The following SAMD12 variants were observed in gnomAD, a reference collection of about 807,000 sequenced individuals.
SAMD12 encodes sterile alpha motif domain-containing protein 12.
A neutral mutation model predicts 15.0 loss-of-function variants in SAMD12; 9 were observed. The ratio of observed to expected loss-of-function variants is 0.60; its 90% confidence interval spans 0.36 to 1.05. The LOEUF (loss-of-function observed/expected upper bound fraction) is 1.05, where lower values mean the gene tolerates loss of function less well. Among genes scored for constraint, SAMD12 ranks in the 50% least tolerant of loss-of-function variants. The pLI is 0.01. For synonymous variants in SAMD12, 86 were observed against 90.1 expected (o/e 0.96, Z 0.25); for missense variants, 230 against 234.2 (o/e 0.98, Z 0.12).
At chr8:118,162,633 T>G in the SAMD12 span, among the ~76,000 whole-genome samples, 1 of 152,110 alleles carries the variant, frequency 6.6e-6, no homozygotes, top group Non-Finnish European at 1.5e-5. Context: ...CTGCAGATTT[T>G]AAAAAGGGTG....
chr8:118,158,216 C>T, the SAMD12 span, among the ~76,000 whole-genome samples: 1 of 152,206 alleles, frequency 6.6e-6, no homozygotes, highest in Non-Finnish European at 1.5e-5. Context: ...AAGGACATTA[C>T]CTAATGCGAG....
At chr8:118,522,717 C>G (rs1028119173) in intron 2 of SAMD12, among the ~76,000 whole-genome samples, 4 of 152,112 alleles carry the variant, frequency 2.6e-5, no homozygotes, top group Non-Finnish European at 5.9e-5. Context: ...TGCATCTGAA[C>G]AAACCCAACA....
At chr8:118,514,778 T>C (rs1239978679) in intron 2 of SAMD12, among the ~76,000 whole-genome samples, 1 of 152,244 alleles carries the variant, frequency 6.6e-6, no homozygotes, top group Non-Finnish European at 1.5e-5. Context: ...GAAAACAGCG[T>C]TAGTAAAATA....
chr8:118,380,532 T>G (rs1054462333), intron 3 of SAMD12, among the ~76,000 whole-genome samples: 1 of 152,196 alleles, frequency 6.6e-6, no homozygotes, highest in Non-Finnish European at 1.5e-5. Context: ...CACTCTGTGC[T>G]TGCCCTAAAA....
At chr8:118,480,331 C>T (rs1180151416) in intron 2 of SAMD12, among the ~76,000 whole-genome samples, 1 of 152,192 alleles carries the variant, frequency 6.6e-6, no homozygotes, top group Non-Finnish European at 1.5e-5. Flanking sequence ...CTTTAGCACT[C>T]CTTGCTACTC....
At chr8:118,285,773 G>C (rs1321634323) in intron 4 of SAMD12, among the ~76,000 whole-genome samples, 1 of 152,142 alleles carries the variant, frequency 6.6e-6, no homozygotes, top group African/African-American at 2.4e-5. Context: ...TATATGTCCT[G>C]GACTTAGTCC....
At chr8:118,422,295 G>C (rs79998771) in intron 3 of SAMD12, among the ~76,000 whole-genome samples, 6,460 of 152,208 alleles carry the variant, frequency 0.042, 448 homozygotes, top group African/African-American at 0.15. Flanking sequence ...GTGGGAGGGA[G>C]ATAAACATGG....
At chr8:118,413,276 T>C (rs913616488) in intron 3 of SAMD12, among the ~76,000 whole-genome samples, 1 of 152,190 alleles carries the variant, frequency 6.6e-6, no homozygotes, top group African/African-American at 2.4e-5. Flanking sequence ...ATGTACCATT[T>C]CAGTAGCAAT....
intron 2 of SAMD12, among the ~76,000 whole-genome samples, chr8:118,547,547 A>G (rs1826167095): frequency 6.6e-6 from 1 of 152,200 alleles, no homozygotes; most frequent in Admixed American, 6.5e-5. Context: ...AGTACTTAGC[A>G]CAAGTAAGTG....
Position 118,257,390 on chromosome 8 carries a change from C to A in SAMD12, c.434-59658G>T, listed in dbSNP as rs572852672. Among the ~76,000 whole-genome samples, 15 of 152,200 alleles carry A rather than the reference C, an allele frequency of 9.9e-5. No homozygotes were observed. In the East Asian group the frequency reaches 2.9e-3, roughly 29 times the overall value. On this transcript the variant is annotated intron_variant, in intron 4 of 4. Coordinates refer to the SAMD12 transcript ENST00000409003. ...CAGAATCCAAGAGACACACAGAGAT[C>A]TTTTGTGACTAATGTTGCCTTTTTG...
At chr8:118,412,438 T>C (rs767764423) in intron 3 of SAMD12, among the ~76,000 whole-genome samples, 7 of 152,174 alleles carry the variant, frequency 4.6e-5, no homozygotes, top group Non-Finnish European at 8.8e-5. Flanking sequence ...ATACATAAAA[T>C]AGAAACAGTT....
At chr8:118,524,327 G>C (rs1016521258) in intron 2 of SAMD12, among the ~76,000 whole-genome samples, 1 of 152,038 alleles carries the variant, frequency 6.6e-6, no homozygotes, top group Non-Finnish European at 1.5e-5. Context: ...TTCCACCATC[G>C]CTCCTTCTAA....
rs1037328335 is a variant in SAMD12, at chr8:118,410,780, G to C, written c.322+29052C>G. 3.3e-5 allele frequency among the ~76,000 whole-genome samples: 5 copies of C among 152,308 alleles called. No individual in the cohort carries two copies. The South Asian group carries it at 8.3e-4, about 25-fold the overall frequency. ...CAGAGCCTATCTGAAGTTCCTTACT[G>C]ATAAAAATCTCTGCAATATGAAAAT... On this transcript the variant is annotated intron_variant, in intron 3 of 3. Transcript: ENST00000314727.
chr8:118,363,251 A>G (rs1023326500), intron 4 of SAMD12, among the ~76,000 whole-genome samples: 2 of 152,184 alleles, frequency 1.3e-5, no homozygotes, highest in African/African-American at 4.8e-5. Flanking sequence ...ACTGGGCCAT[A>G]GGGTACCCAG....
At chr8:118,500,809 T>C (rs1244037836) in intron 2 of SAMD12, among the ~76,000 whole-genome samples, 2 of 152,156 alleles carry the variant, frequency 1.3e-5, no homozygotes, top group African/African-American at 4.8e-5. Context: ...CTGTCTTAAA[T>C]AAATAAATAA....
intron 1 of SAMD12, among the ~76,000 whole-genome samples, chr8:118,593,006 T>A (rs1827621846): frequency 6.6e-6 from 1 of 152,188 alleles, no homozygotes. Flanking sequence ...CAAGATAATA[T>A]TAGCAGGCAA....
intron 1 of SAMD12, among the ~76,000 whole-genome samples, chr8:118,591,425 T>C (rs1353936802): frequency 1.3e-5 from 2 of 152,176 alleles, no homozygotes; most frequent in African/African-American, 4.8e-5. Context: ...CACATTATTA[T>C]TGTGTTGATA....
rs190677525 is a variant in SAMD12, at chr8:118,413,091, C to T, written c.322+26741G>A. On this transcript the variant is annotated intron_variant, in intron 3 of 3. Transcript: ENST00000314727. Reference sequence around the variant, plus strand: ...GAGGACCCCAATTGTTCCCAACATACTGGTAGAGTCTGTCCTACATAAGTC... The same window carrying T: ...GAGGACCCCAATTGTTCCCAACATATTGGTAGAGTCTGTCCTACATAAGTC... Among the ~76,000 whole-genome samples, 14 of 152,266 alleles carry T rather than the reference C, an allele frequency of 9.2e-5. No homozygotes were observed. In the East Asian group the frequency reaches 2.3e-3, roughly 25 times the overall value.
At chr8:118,549,279 C>T (rs1330260727) in intron 2 of SAMD12, among the ~76,000 whole-genome samples, 1 of 152,212 alleles carries the variant, frequency 6.6e-6, no homozygotes, top group Non-Finnish European at 1.5e-5. Context: ...GAGGCACCCC[C>T]CAAGTAGGGG....
Sources: allele counts gnomAD v4.1 joint callset (sites outside exome capture counted in the v4.1 genomes callset), GRCh38; gene constraint gnomAD v4.1.1; transcripts MANE v1.5; gene names NCBI Gene and HGNC (gene_info 2026-07-23, HGNC 2026-07-21).